RAB3C: variants seen among roughly 807,000 people sequenced by gnomAD.
The protein encoded by RAB3C is ras-related protein Rab-3C.
In RAB3C, 17 loss-of-function variants were observed where a neutral mutation model predicts 26.4. The ratio of observed to expected loss-of-function variants is 0.64; its 90% CI spans 0.44 to 0.97. RAB3C has a LOEUF of 0.97. Among genes scored for constraint, RAB3C ranks in the 50% least tolerant of loss-of-function variants. The pLI, the probability that RAB3C is intolerant of heterozygous loss-of-function variation, is 0.00. For missense variants in RAB3C, 242 were observed against 281.9 expected (o/e 0.86, Z 1.01); for synonymous variants, 91 against 95.9 (o/e 0.95, Z 0.30).
intron 3 of RAB3C, among the ~76,000 whole-genome samples, chr5:58,740,743 CCAG>C: frequency 6.6e-6 from 1 of 152,254 alleles, no homozygotes; most frequent in East Asian, 1.9e-4. Flanking sequence ...TCGCTTGAAC[CCAG>C]GAGGTGGATA....
At chr5:58,689,572 T>C (rs1748518163) in intron 2 of RAB3C, among the ~76,000 whole-genome samples, 1 of 152,108 alleles carries the variant, frequency 6.6e-6, no homozygotes, top group Admixed American at 6.6e-5. Flanking sequence ...TTCCAAAATT[T>C]GGATTGTGGG....
At chr5:58,783,379 G>A (rs1026362560) in intron 3 of RAB3C, among the ~76,000 whole-genome samples, 2 of 152,148 alleles carry the variant, frequency 1.3e-5, no homozygotes, top group African/African-American at 4.8e-5. Context: ...TATCTGAAGT[G>A]CAGGAATAAA....
chr5:58,841,284 A>G (rs1354508812), intron 4 of RAB3C, among the ~76,000 whole-genome samples: 1 of 152,168 alleles, frequency 6.6e-6, no homozygotes, highest in African/African-American at 2.4e-5. Flanking sequence ...CAAGATTGCT[A>G]TACTCTTCCC....
intron 3 of RAB3C, among the ~76,000 whole-genome samples, chr5:58,767,684 G>A (rs1455750758): frequency 6.6e-6 from 1 of 152,134 alleles, no homozygotes; most frequent in Admixed American, 6.5e-5. Flanking sequence ...GCATTCGTTA[G>A]GTACTCAGTG....
chr5:58,683,875 A>G (rs1194357294), intron 2 of RAB3C, among the ~76,000 whole-genome samples: 1 of 152,188 alleles, frequency 6.6e-6, no homozygotes, highest in African/African-American at 2.4e-5. Flanking sequence ...TACTTAACTT[A>G]ATAATCTAAT....
chr5:58,582,276 C>A, upstream of RAB3C: 1 of 352,162 alleles, frequency 2.8e-6, no homozygotes, highest in Non-Finnish European at 4.0e-6. Flanking sequence ...TTCTCTCCGC[C>A]AGACGCCACC....
chr5:58,596,922 ATATAT>A (rs1481158073), intron 1 of RAB3C, among the ~76,000 whole-genome samples: 4 of 96,152 alleles, frequency 4.2e-5, no homozygotes, highest in Non-Finnish European at 5.3e-5. Context: ...ATAATACATA[ATATAT>A]TATATATAAA....
intron 2 of RAB3C, among the ~76,000 whole-genome samples, chr5:58,723,593 T>G (rs1232549057): frequency 6.6e-6 from 1 of 151,726 alleles, no homozygotes; most frequent in Admixed American, 6.6e-5. Context: ...CTGTTCATGG[T>G]GGGGTGTAAG....
intron 2 of RAB3C, among the ~76,000 whole-genome samples, chr5:58,693,347 T>TAC (rs1554048078): frequency 7.3e-6 from 1 of 137,852 alleles, no homozygotes; most frequent in African/African-American, 3.0e-5. Context: ...TATATATATA[T>TAC]ATATATATAT....
At chr5:58,769,655 A>G (rs1741986394) in intron 3 of RAB3C, among the ~76,000 whole-genome samples, 1 of 152,162 alleles carries the variant, frequency 6.6e-6, no homozygotes, top group Non-Finnish European at 1.5e-5. Context: ...TGTCTTTCTG[A>G]TTTTATGAAC....
intron 2 of RAB3C, among the ~76,000 whole-genome samples, chr5:58,685,909 A>G (rs966190726): frequency 6.6e-6 from 1 of 152,236 alleles, no homozygotes; most frequent in Non-Finnish European, 1.5e-5. Context: ...TGGCAGTAGC[A>G]TAGAATACAA....
intron 2 of RAB3C, among the ~76,000 whole-genome samples, chr5:58,656,227 G>A (rs769839993): frequency 6.6e-6 from 1 of 152,122 alleles, no homozygotes; most frequent in Non-Finnish European, 1.5e-5. Flanking sequence ...TACACACAAA[G>A]TAGACTTATA....
At chr5:58,835,164 C>A (rs1743709767) in intron 4 of RAB3C, among the ~76,000 whole-genome samples, 1 of 152,106 alleles carries the variant, frequency 6.6e-6, no homozygotes, top group Admixed American at 6.5e-5. Flanking sequence ...TGCTGCCCTT[C>A]TTCTAAACCT....
At chr5:58,717,789 C>T (rs923622497) in intron 2 of RAB3C, among the ~76,000 whole-genome samples, 1 of 152,078 alleles carries the variant, frequency 6.6e-6, no homozygotes, top group Non-Finnish European at 1.5e-5. Context: ...CCACTGCCTC[C>T]CCTTCCTCAA....
chr5:58,811,472 A>G (rs1743088916), intron 3 of RAB3C, among the ~76,000 whole-genome samples: 1 of 149,610 alleles, frequency 6.7e-6, no homozygotes, highest in African/African-American at 2.5e-5. Flanking sequence ...AGGGGTCACA[A>G]AGGTAAATGT....
At chr5:58,622,934 G>A (rs1746967012) in intron 2 of RAB3C, among the ~76,000 whole-genome samples, 1 of 152,152 alleles carries the variant, frequency 6.6e-6, no homozygotes, top group South Asian at 2.1e-4. Context: ...AGAAGTTTCA[G>A]ATCTGATATT....
rs1744220702 is a variant in RAB3C, at chr5:58,854,715, G to A, written c.*3364G>A. On this transcript the variant is annotated 3_prime_UTR_variant, in exon 5 of 5. Coordinates refer to ENST00000282878, the MANE Select transcript of RAB3C (RefSeq NM_138453.4). ...TTGCTGCCTGGTAACTAAGTGCTAAGATTTTTACTTGGAAAGAAAACTATG... is the reference window on the plus strand; with the variant it reads ...TTGCTGCCTGGTAACTAAGTGCTAAAATTTTTACTTGGAAAGAAAACTATG... 1 of 152,140 alleles carries A rather than the reference G, an allele frequency of 6.6e-6. No individual in the cohort carries two copies. Among genetic ancestry groups the A allele is most frequent in the African/African-American group, 2.4e-5 (1 of 41,436 alleles). 9.4% of individuals were successfully genotyped at this position (152,140 alleles called of 1,614,324 possible).
intron 1 of RAB3C, among the ~76,000 whole-genome samples, chr5:58,601,398 G>A (rs1746450119): frequency 6.6e-6 from 1 of 152,026 alleles, no homozygotes; most frequent in Non-Finnish European, 1.5e-5. Flanking sequence ...TCTATCTTGT[G>A]GAATAGTATC....
At chr5:58,699,427 C>A (rs1748791112) in intron 2 of RAB3C, among the ~76,000 whole-genome samples, 1 of 152,186 alleles carries the variant, frequency 6.6e-6, no homozygotes, top group African/African-American at 2.4e-5. Flanking sequence ...GGGTCAGGGA[C>A]CCACTTGAGG....
Sources: allele counts gnomAD v4.1 joint callset (sites outside exome capture counted in the v4.1 genomes callset), GRCh38; gene constraint gnomAD v4.1.1; transcripts MANE v1.5; gene names NCBI Gene and HGNC (gene_info 2026-07-23, HGNC 2026-07-21).